LRMDA: variants seen among roughly 807,000 people sequenced by gnomAD.
The protein encoded by LRMDA is leucine-rich melanocyte differentiation-associated protein.
A neutral mutation model predicts 29.8 loss-of-function variants in LRMDA; 18 were observed. That is an observed-to-expected ratio of 0.60 (90% confidence interval 0.42 to 0.90). The LOEUF (loss-of-function observed/expected upper bound fraction) is 0.90, where lower values mean the gene tolerates loss of function less well. Ranked by LOEUF, LRMDA falls within the 40% of genes least tolerant of loss-of-function variation. LRMDA has a pLI of 0.00. For synonymous variants in LRMDA, 125 were observed against 109.4 expected (o/e 1.14, Z -0.89); for missense variants, 273 against 273.9 (o/e 1.00, Z 0.02).
chr10:76,208,913 G>A (rs763929848), intron 5 of LRMDA, among the ~76,000 whole-genome samples: 2 of 152,074 alleles, frequency 1.3e-5, no homozygotes, highest in Non-Finnish European at 2.9e-5. Flanking sequence ...TAGCACTTTG[G>A]GAGGCCGAGG....
intron 2 of LRMDA, among the ~76,000 whole-genome samples, chr10:76,031,974 G>C (rs2132502443): frequency 6.6e-6 from 1 of 152,310 alleles, no homozygotes; most frequent in East Asian, 1.9e-4. Flanking sequence ...AGGGAGGAGA[G>C]ATCGAATTCT....
chr10:75,793,649 T>C (rs902769042), intron 2 of LRMDA, among the ~76,000 whole-genome samples: 1 of 152,218 alleles, frequency 6.6e-6, no homozygotes, highest in Admixed American at 6.5e-5. Flanking sequence ...AAAAGTGATA[T>C]GTTACTTTGT....
At chr10:76,087,118 G>T (rs1415566441) in intron 5 of LRMDA, among the ~76,000 whole-genome samples, 2 of 152,196 alleles carry the variant, frequency 1.3e-5, no homozygotes, top group Non-Finnish European at 2.9e-5. Context: ...CAGACATTCA[G>T]ATCTGCCTGG....
chr10:76,242,742 A>C (rs1852299886), intron 5 of LRMDA, among the ~76,000 whole-genome samples: 1 of 152,234 alleles, frequency 6.6e-6, no homozygotes, highest in Non-Finnish European at 1.5e-5. Flanking sequence ...ACTGGGGTTT[A>C]GGACTCAACA....
chr10:76,262,898 C>T (rs528799758), intron 5 of LRMDA, among the ~76,000 whole-genome samples: 1 of 152,320 alleles, frequency 6.6e-6, no homozygotes, highest in African/African-American at 2.4e-5. Flanking sequence ...TTGTTACCAG[C>T]CATTTGCCCT....
chr10:75,706,903 TG>T (rs1842377079), intron 2 of LRMDA, among the ~76,000 whole-genome samples: 1 of 152,170 alleles, frequency 6.6e-6, no homozygotes, highest in East Asian at 1.9e-4. Context: ...AGTATACTCT[TG>T]GATAAGCATT....
Position 76,171,696 on chromosome 10 carries a change from T to TCTTGTG in LRMDA, c.516+112913_516+112914insCTTGTG, listed in dbSNP as rs1589362538. 3.9e-5 allele frequency among the ~76,000 whole-genome samples: 6 copies of TCTTGTG among 152,198 alleles called. No individual in the cohort carries two copies. The East Asian group carries it at 1.2e-3, about 29-fold the overall frequency. ...TAAGTTGGTGCTTCTCTTTAGGGCA[T>TCTTGTG]AGCACCAACGTCTTCTTGTGAGTGT... On this transcript the variant is annotated intron_variant, in intron 5 of 6. Coordinates refer to ENST00000611255, the MANE Select transcript of LRMDA (RefSeq NM_001305581.2).
chr10:75,580,024 C>T (rs1840566071), intron 2 of LRMDA, among the ~76,000 whole-genome samples: 1 of 152,192 alleles, frequency 6.6e-6, no homozygotes, highest in Non-Finnish European at 1.5e-5. Context: ...GGCAAAGATG[C>T]CGTCTCTCAC....
chr10:75,963,507 A>G (rs1846803645), intron 2 of LRMDA, among the ~76,000 whole-genome samples: 1 of 152,220 alleles, frequency 6.6e-6, no homozygotes, highest in East Asian at 1.9e-4. Context: ...TTGATACAAT[A>G]ACCAGGGGTC....
At chr10:76,269,820 G>A (rs1033407772) in intron 5 of LRMDA, among the ~76,000 whole-genome samples, 3 of 152,186 alleles carry the variant, frequency 2.0e-5, no homozygotes, top group Admixed American at 6.5e-5. Flanking sequence ...GTGGAAATAA[G>A]TTCAGAGAGG....
intron 2 of LRMDA, among the ~76,000 whole-genome samples, chr10:75,736,471 A>G (rs981117779): frequency 1.3e-5 from 2 of 152,168 alleles, no homozygotes; most frequent in African/African-American, 4.8e-5. Flanking sequence ...ATGCGGTGCT[A>G]TTAATTCTCA....
chr10:75,890,158 G>T (rs1026523175), intron 2 of LRMDA, among the ~76,000 whole-genome samples: 6 of 152,154 alleles, frequency 3.9e-5, no homozygotes, highest in Admixed American at 6.5e-5. Flanking sequence ...AAAGGAGAGG[G>T]CCCCAAGGAG....
At chr10:75,739,863 A>T (rs527566147) in intron 2 of LRMDA, among the ~76,000 whole-genome samples, 2 of 152,234 alleles carry the variant, frequency 1.3e-5, no homozygotes, top group Non-Finnish European at 2.9e-5. Context: ...CCACTAGATA[A>T]ATAAGGCAGC....
intron 5 of LRMDA, among the ~76,000 whole-genome samples, chr10:76,189,837 C>T (rs1329523707): frequency 6.6e-6 from 1 of 152,170 alleles, no homozygotes; most frequent in Non-Finnish European, 1.5e-5. Context: ...TGTCTAGTCT[C>T]CTGTCCTTAT....
intron 2 of LRMDA, among the ~76,000 whole-genome samples, chr10:75,668,254 C>T (rs1446195952): frequency 6.6e-6 from 1 of 152,160 alleles, no homozygotes; most frequent in East Asian, 1.9e-4. Flanking sequence ...TGGAGGCTTA[C>T]TGTGGGCTGC....
intron 2 of LRMDA, chr10:75,601,457 A>G (rs764724864): frequency 4.6e-5 from 7 of 152,242 alleles, no homozygotes; most frequent in Non-Finnish European, 1.0e-4. Context: ...AATGGGAATA[A>G]TGGATACTCT....
chr10:76,384,341 T>A (rs1183313483), intron 6 of LRMDA, among the ~76,000 whole-genome samples: 2 of 152,216 alleles, frequency 1.3e-5, no homozygotes, highest in Non-Finnish European at 2.9e-5. Flanking sequence ...CTTGGCGAGA[T>A]GTTACAGATG....
intron 2 of LRMDA, among the ~76,000 whole-genome samples, chr10:76,014,146 T>TTATA (rs1164189530): frequency 1.8e-4 from 13 of 72,986 alleles, no homozygotes; most frequent in Non-Finnish European, 3.3e-4. Context: ...ATATATATAA[T>TTATA]TATATATATA....
At chr10:75,630,413 G>A (rs974029818) in intron 2 of LRMDA, among the ~76,000 whole-genome samples, 91 of 152,338 alleles carry the variant, frequency 6.0e-4, no homozygotes, top group Admixed American at 9.1e-4. Flanking sequence ...CTCCATCGTT[G>A]AGTTTCTGGC....
Sources: allele counts gnomAD v4.1 joint callset (sites outside exome capture counted in the v4.1 genomes callset), GRCh38; gene constraint gnomAD v4.1.1; transcripts MANE v1.5; gene names NCBI Gene and HGNC (gene_info 2026-07-23, HGNC 2026-07-21).